Variants in C9 observed in about 807,000 individuals in gnomAD.
The protein encoded by C9 is complement component C9.
Under a neutral mutation model 65.4 loss-of-function variants are expected in C9, and 63 were observed. The ratio of observed to expected loss-of-function variants is 0.96; its 90% CI spans 0.79 to 1.19. The LOEUF (loss-of-function observed/expected upper bound fraction) is 1.19, where lower values mean the gene tolerates loss of function less well. Ranked by LOEUF, C9 falls within the 50% of genes most tolerant of loss-of-function variation. C9 has a pLI of 0.00. For missense variants in C9, 744 were observed against 670.1 expected (o/e 1.11, Z -1.22); for synonymous variants, 229 against 227.9 (o/e 1.00, Z -0.04).
intron 9 of C9, among the ~76,000 whole-genome samples, chr5:39,289,229 A>C (rs569794846): frequency 7.9e-5 from 12 of 151,884 alleles, no homozygotes; most frequent in Admixed American, 6.6e-4. Context: ...CAAAAAAAAA[A>C]CAGGTATATG....
chr5:39,344,579 C>A (rs1663467976), intron 1 of C9, among the ~76,000 whole-genome samples: 1 of 152,152 alleles, frequency 6.6e-6, no homozygotes, highest in African/African-American at 2.4e-5. Context: ...GAGAATGGAA[C>A]CAAGTTGGAA....
At chr5:39,335,963 T>C (rs1223240053) in intron 4 of C9, among the ~76,000 whole-genome samples, 1 of 152,208 alleles carries the variant, frequency 6.6e-6, no homozygotes, top group Non-Finnish European at 1.5e-5. Context: ...TAAAGGAATT[T>C]TGATAAATTA....
At chr5:39,362,628 G>T (rs905351259) in intron 1 of C9, among the ~76,000 whole-genome samples, 1 of 152,148 alleles carries the variant, frequency 6.6e-6, no homozygotes, top group Non-Finnish European at 1.5e-5. Context: ...AGGGAAGCGA[G>T]GTACAGAGAG....
chr5:39,349,028 G>T (rs1183476120), intron 1 of C9, among the ~76,000 whole-genome samples: 3 of 151,178 alleles, frequency 2.0e-5, no homozygotes, highest in Non-Finnish European at 4.4e-5. Context: ...TTGTGGGGTG[G>T]GGGGGAGGGG....
intron 10 of C9, among the ~76,000 whole-genome samples, chr5:39,287,720 G>T (rs1753016948): frequency 6.6e-6 from 1 of 151,970 alleles, no homozygotes; most frequent in Non-Finnish European, 1.5e-5. Context: ...AAATAACCCA[G>T]AAATAGAAAA....
intron 1 of C9, among the ~76,000 whole-genome samples, chr5:39,343,761 G>T (rs921691958): frequency 1.3e-5 from 2 of 152,212 alleles, no homozygotes; most frequent in African/African-American, 4.8e-5. Flanking sequence ...TAGCCTAACT[G>T]GGAGGCACCC....
chr5:39,314,457 ATAAAT>A (rs564121235), intron 6 of C9, among the ~76,000 whole-genome samples: 11 of 152,124 alleles, frequency 7.2e-5, no homozygotes, highest in South Asian at 4.1e-4. Flanking sequence ...CTCAAAATAA[ATAAAT>A]TAAATTAAAT....
chr5:39,353,274 C>T (rs2111978261), intron 1 of C9, among the ~76,000 whole-genome samples: 1 of 152,242 alleles, frequency 6.6e-6, no homozygotes, highest in South Asian at 2.1e-4. Flanking sequence ...TTTCTGACTT[C>T]TAGATCTGTT....
intron 9 of C9, among the ~76,000 whole-genome samples, chr5:39,298,519 G>A (rs1205837055): frequency 6.6e-6 from 1 of 151,460 alleles, no homozygotes; most frequent in African/African-American, 2.4e-5. Context: ...TTAATAAAAT[G>A]GAAAAATTCC....
chr5:39,342,455 A>G (rs1458047525), intron 1 of C9, among the ~76,000 whole-genome samples: 1 of 152,232 alleles, frequency 6.6e-6, no homozygotes, highest in African/African-American at 2.4e-5. Context: ...AACAACGGCA[A>G]TGAGGAAAAC....
At chr5:39,324,740 G>C (rs1224862886) in intron 5 of C9, among the ~76,000 whole-genome samples, 1 of 152,090 alleles carries the variant, frequency 6.6e-6, no homozygotes, top group Non-Finnish European at 1.5e-5. Flanking sequence ...ACCAATACTT[G>C]TAACCATCAT....
intron 1 of C9, among the ~76,000 whole-genome samples, chr5:39,356,422 A>G (rs556999885): frequency 6.6e-6 from 1 of 152,328 alleles, no homozygotes; most frequent in East Asian, 1.9e-4. Context: ...TGCCTTTTAG[A>G]CATCTTGAGA....
chr5:39,301,321 T>C (rs1382492908), intron 9 of C9, among the ~76,000 whole-genome samples: 2 of 151,930 alleles, frequency 1.3e-5, no homozygotes, highest in Non-Finnish European at 2.9e-5. Flanking sequence ...TCTGAAGACC[T>C]ATAACAGATT....
At chr5:39,333,441 C>A (rs10072397) in intron 4 of C9, among the ~76,000 whole-genome samples, 4,555 of 152,278 alleles carry the variant, frequency 0.03, 210 homozygotes, top group African/African-American at 0.1. Context: ...GTAGCTGCTG[C>A]CCCTTCAACC....
At chr5:39,348,130 A>T (rs1264669362) in intron 1 of C9, among the ~76,000 whole-genome samples, 3 of 152,186 alleles carry the variant, frequency 2.0e-5, no homozygotes, top group African/African-American at 7.2e-5. Flanking sequence ...CATGTCTAAA[A>T]CACCAAAAGC....
intron 5 of C9, among the ~76,000 whole-genome samples, chr5:39,326,441 T>C (rs923698815): frequency 3.3e-5 from 5 of 152,226 alleles, no homozygotes; most frequent in African/African-American, 1.2e-4. Flanking sequence ...GACCATAAAA[T>C]AGCCTCCTTC....
intron 1 of C9, among the ~76,000 whole-genome samples, chr5:39,343,564 G>A (rs980769452): frequency 2.0e-5 from 3 of 152,334 alleles, no homozygotes; most frequent in East Asian, 1.9e-4. Flanking sequence ...AGCTCAAGGA[G>A]GCCTGCCTGC....
At position 39,344,254 on chromosome 5, in the gene C9, C is replaced by A. The variant is rs141569711; in HGVS notation, c.78-2058G>T. Reference sequence around the variant, plus strand: ...TAAAGGAGGAAGTTCGAACCCAATGCAAAGAAGCTAAAACATTGAAAAAAG... The same window carrying A: ...TAAAGGAGGAAGTTCGAACCCAATGAAAAGAAGCTAAAACATTGAAAAAAG... On this transcript the variant is annotated intron_variant, in intron 1 of 10. Coordinates refer to ENST00000263408, the MANE Select transcript of C9 (RefSeq NM_001737.5). Among the ~76,000 whole-genome samples, 655 of 152,216 alleles carry A rather than the reference C, an allele frequency of 4.3e-3. 4 individuals carry two copies. The highest frequency in any genetic ancestry group is 0.015 in the African/African-American group (611 of 41,534).
In C9 at chr5:39,341,670, G is replaced by A. The variant is rs750617137; in HGVS notation, c.214C>T (p.Gln72Ter). 55 of 1,613,814 alleles carry A rather than the reference G, an allele frequency of 3.4e-5. No homozygotes were observed. Among genetic ancestry groups the A allele is most frequent in the Non-Finnish European group, 4.4e-5 (52 of 1,179,864 alleles). The change falls in exon 3 of 11, where the codon CAA (glutamine) becomes TAA (stop). Residue 72 changes from glutamine (Q) to a stop codon, truncating the protein, a stop_gained. Coordinates refer to ENST00000263408, the MANE Select transcript of C9 (RefSeq NM_001737.5). LOFTEE classifies it high-confidence loss of function. ...TCGGTGCATCTTTTCCCATTAAATT[G>A]TCCAAAGACCTCAATGCTTCTTGAA... ...FRSRSIEVFG[Q>*]FNGKRCTDAV...
Sources: allele counts gnomAD v4.1 joint callset (sites outside exome capture counted in the v4.1 genomes callset), GRCh38; gene constraint gnomAD v4.1.1; transcripts MANE v1.5; gene names NCBI Gene and HGNC (gene_info 2026-07-23, HGNC 2026-07-21).